ADGRV1: variants seen among roughly 807,000 people sequenced by gnomAD.
ADGRV1 encodes the protein G-protein coupled receptor 98.
In ADGRV1, 359 loss-of-function variants were observed where a neutral mutation model predicts 596.2. That is an observed-to-expected ratio of 0.60 (90% CI 0.55 to 0.66). The LOEUF (loss-of-function observed/expected upper bound fraction) is 0.66, where lower values mean the gene tolerates loss of function less well. Ranked by LOEUF, ADGRV1 falls within the 30% of genes least tolerant of loss-of-function variation. The probability of loss-of-function intolerance (pLI) is 0.00; values close to 1 mark genes in which losing one functional copy is unlikely to be tolerated. For missense variants in ADGRV1, 7,274 were observed against 7,575.6 expected (o/e 0.96, Z 1.48); for synonymous variants, 2,681 against 2,679.2 (o/e 1.00, Z -0.02).
chr5:90,949,143 T>C (rs1350242666), intron 83 of ADGRV1, among the ~76,000 whole-genome samples: 1 of 152,136 alleles, frequency 6.6e-6, no homozygotes, highest in African/African-American at 2.4e-5. Context: ...ACATACTACA[T>C]GGTTCCATTT....
At chr5:90,828,915 T>G in intron 76 of ADGRV1, 29 bp from the exon 77 acceptor site, 1 of 1,468,136 alleles carries the variant, frequency 6.8e-7, no homozygotes, top group Non-Finnish European at 9.2e-7. Flanking sequence ...TAGTAATAGT[T>G]GTTTTTTTTT....
At chr5:90,648,728 T>C (rs1768164611) in intron 17 of ADGRV1, among the ~76,000 whole-genome samples, 1 of 152,236 alleles carries the variant, frequency 6.6e-6, no homozygotes, top group Admixed American at 6.5e-5. Context: ...TGTCTTTCTC[T>C]GCCTCTCATT....
chr5:90,971,847 A>G (rs1283236571), intron 84 of ADGRV1, among the ~76,000 whole-genome samples: 8 of 152,236 alleles, frequency 5.3e-5, no homozygotes, highest in Non-Finnish European at 1.5e-5. Context: ...ATTCACACAT[A>G]ACAATATTAA....
intron 83 of ADGRV1, among the ~76,000 whole-genome samples, chr5:90,908,140 C>A (rs565407007): frequency 7.9e-5 from 12 of 152,084 alleles, no homozygotes; most frequent in Non-Finnish European, 1.8e-4. Context: ...CGTGAGCCAC[C>A]GTTTCAGGCC....
intron 30 of ADGRV1, among the ~76,000 whole-genome samples, 161 bp from the exon 31 acceptor site, chr5:90,690,636 C>A (rs1214471189): frequency 6.6e-6 from 1 of 152,158 alleles, no homozygotes; most frequent in African/African-American, 2.4e-5. Flanking sequence ...TTTGGCAGAG[C>A]AGACCAATTT....
At chr5:91,075,729 C>G in intron 86 of ADGRV1, among the ~76,000 whole-genome samples, 1 of 152,184 alleles carries the variant, frequency 6.6e-6, no homozygotes, top group Middle Eastern at 3.4e-3. Flanking sequence ...TTCATTATCT[C>G]AGATGTCTAC....
intron 60 of ADGRV1, among the ~76,000 whole-genome samples, chr5:90,774,990 A>G (rs1484774089): frequency 6.6e-6 from 1 of 152,230 alleles, no homozygotes; most frequent in East Asian, 1.9e-4. Flanking sequence ...TTGACACTTC[A>G]GAAACAGGCA....
chr5:90,575,609 C>T (rs940752496), intron 1 of ADGRV1, among the ~76,000 whole-genome samples: 9 of 152,160 alleles, frequency 5.9e-5, no homozygotes, highest in African/African-American at 9.7e-5. Context: ...GAATGGACAG[C>T]GAAAGCTTCA....
chr5:90,732,354 G>A (rs572931321), intron 50 of ADGRV1, among the ~76,000 whole-genome samples: 2 of 151,942 alleles, frequency 1.3e-5, no homozygotes, highest in Non-Finnish European at 2.9e-5. Flanking sequence ...GACAAACATT[G>A]TTTATATTTA....
At chr5:90,693,141 T>TTTTTTTCTTTC (rs1412304327) in intron 32 of ADGRV1, among the ~76,000 whole-genome samples, 1 of 150,956 alleles carries the variant, frequency 6.6e-6, no homozygotes, top group African/African-American at 2.4e-5. Context: ...AGGTCTGTTT[T>TTTTTTTCTTTC]TTTTTTCTTT....
chr5:91,036,613 T>C (rs1489672017), intron 85 of ADGRV1, among the ~76,000 whole-genome samples: 6 of 150,912 alleles, frequency 4.0e-5, no homozygotes, highest in African/African-American at 9.7e-5. Context: ...GTAGTCCTAG[T>C]TGCTAGAGAG....
At chr5:90,876,867 A>G (rs980137051) in intron 83 of ADGRV1, among the ~76,000 whole-genome samples, 1 of 152,174 alleles carries the variant, frequency 6.6e-6, no homozygotes, top group Non-Finnish European at 1.5e-5. Flanking sequence ...TTAGTGTCAT[A>G]TGTACTATGA....
chr5:90,993,154 CTT>C lies in ADGRV1; in HGVS notation c.18152+7655_18152+7656del, dbSNP rs1235025923. Among the ~76,000 whole-genome samples, 476 of 97,640 alleles carry C rather than the reference CTT, an allele frequency of 4.9e-3. 3 individuals are homozygous for C. Among genetic ancestry groups the C allele is most frequent in the African/African-American group, 0.018 (440 of 24,614 alleles). 64.1% of individuals were successfully genotyped at this position (97,640 alleles called of 152,430 possible). A position where few individuals can be genotyped will look rare whatever the true frequency, so the allele number is the denominator to read the frequency against. Reference sequence around the variant, plus strand: ...TTTCTCTGTCTTTCCTTGGTTTTCACTTTTTTTTTTTTTTTTTTTTTTTTGAC... The same window carrying C: ...TTTCTCTGTCTTTCCTTGGTTTTCACTTTTTTTTTTTTTTTTTTTTTTGAC... On this transcript the variant is annotated intron_variant, in intron 85 of 89. Coordinates refer to ENST00000405460, the MANE Select transcript of ADGRV1 (RefSeq NM_032119.4).
chr5:90,685,902 C>A lies in ADGRV1; in HGVS notation c.6397C>A (p.His2133Asn). Residue 2133 changes from histidine to asparagine, a missense_variant, in exon 29 of 90, where the codon CAT becomes AAT. His to Asn is a moderately conservative substitution (Grantham distance 68). This residue lies in a region of ADGRV1 where 3,643 missense variants were observed against 3,809.2 expected (regional missense o/e 0.96). Transcript: ENST00000405460. ...SAPIVRVAENHVGPIINVTRT... is the reference protein window; with the variant it reads ...SAPIVRVAENNVGPIINVTRT... The stretch of plus-strand genomic sequence containing the variant: ...ACCAATTGTCCGAGTGGCAGAAAAT[C>A]ATGTTGGACCCATTATCAATGTGAC... 1 of 1,611,790 alleles carries A rather than the reference C, an allele frequency of 6.2e-7. No homozygotes were observed.
chr5:90,702,362 A>AT lies in ADGRV1; in HGVS notation c.8156-1295dup, dbSNP rs569146822. ...TAGTCTACTAATGTAAAGGTAACTAATTTTTTTTGTATTGACACACTTAAA... is the reference window on the plus strand; with the variant it reads ...TAGTCTACTAATGTAAAGGTAACTAATTTTTTTTTGTATTGACACACTTAAA... On this transcript the variant is annotated intron_variant, in intron 34 of 89. Coordinates refer to ENST00000405460, the MANE Select transcript of ADGRV1 (RefSeq NM_032119.4). Among the ~76,000 whole-genome samples, 44 of 151,804 alleles carry AT rather than the reference A, an allele frequency of 2.9e-4. No homozygotes were observed. The South Asian group carries it at 9.2e-3, about 32-fold the overall frequency.
At chr5:90,661,453 A>G (rs1770279920) in intron 21 of ADGRV1, among the ~76,000 whole-genome samples, 1 of 152,236 alleles carries the variant, frequency 6.6e-6, no homozygotes, top group Non-Finnish European at 1.5e-5. Context: ...TCCTTGGGAT[A>G]TAAGTGATAT....
chr5:90,950,211 G>T (rs1776941456), intron 83 of ADGRV1, among the ~76,000 whole-genome samples: 1 of 152,150 alleles, frequency 6.6e-6, no homozygotes, highest in African/African-American at 2.4e-5. Context: ...CTCTCTTAGT[G>T]TATGTATATT....
chr5:90,875,567 G>C (rs1023135150), intron 83 of ADGRV1, among the ~76,000 whole-genome samples: 1 of 152,206 alleles, frequency 6.6e-6, no homozygotes, highest in African/African-American at 2.4e-5. Context: ...AAACCAGGTG[G>C]TGGTGGGGTC....
At chr5:90,822,071 C>T (rs1321754645) in intron 75 of ADGRV1, 1 of 154,628 alleles carries the variant, frequency 6.5e-6, no homozygotes, top group African/African-American at 2.4e-5. Flanking sequence ...CAGCGAGACT[C>T]TGTGGGCGTA....
Sources: allele counts gnomAD v4.1 joint callset (sites outside exome capture counted in the v4.1 genomes callset), GRCh38; gene constraint gnomAD v4.1.1; regional missense constraint gnomAD v4.1.1; transcripts MANE v1.5; gene names NCBI Gene and HGNC (gene_info 2026-07-23, HGNC 2026-07-21).